Variants in LTBP1 observed in about 807,000 individuals in gnomAD.
LTBP1 encodes latent-transforming growth factor beta-binding protein 1.
LTBP1 carries 129 observed loss-of-function variants against 207.6 expected under a neutral mutation model. That is an observed-to-expected ratio of 0.62 (90% confidence interval 0.54 to 0.72). LTBP1 has a LOEUF of 0.72. Ranked by LOEUF, LTBP1 falls within the 30% of genes least tolerant of loss-of-function variation. LTBP1 has a pLI of 0.00. For synonymous variants in LTBP1, 963 were observed against 833.7 expected, an observed-to-expected ratio of 1.16 and a Z score of -2.67; for missense variants, 2,281 against 2,217.2, an observed-to-expected ratio of 1.03 and a Z score of -0.58.
At chr2:33,030,118 G>A (rs2075623334) in intron 3 of LTBP1, among the ~76,000 whole-genome samples, 1 of 152,178 alleles carries the variant, frequency 6.6e-6, no homozygotes. Context: ...CTGGTATTTG[G>A]AGGTTTGATG....
intron 3 of LTBP1, among the ~76,000 whole-genome samples, chr2:33,101,895 T>C (rs929489313): frequency 6.6e-6 from 1 of 152,210 alleles, no homozygotes; most frequent in Non-Finnish European, 1.5e-5. Flanking sequence ...ATGATTTCGG[T>C]GTACTGTGCT....
intron 10 of LTBP1, among the ~76,000 whole-genome samples, chr2:33,248,470 G>C (rs2092578308): frequency 1.3e-5 from 2 of 152,148 alleles, no homozygotes; most frequent in South Asian, 2.1e-4. Flanking sequence ...GCCAGGAGGA[G>C]TAAGTCATTT....
At chr2:33,236,046 T>A (rs2092033263) in intron 9 of LTBP1, among the ~76,000 whole-genome samples, 1 of 152,086 alleles carries the variant, frequency 6.6e-6, no homozygotes, top group African/African-American at 2.4e-5. Flanking sequence ...AGAACTTAAA[T>A]ATAATTTTTA....
At chr2:33,361,836 A>G (rs942342920) in intron 28 of LTBP1, among the ~76,000 whole-genome samples, 36 of 152,324 alleles carry the variant, frequency 2.4e-4, no homozygotes, top group Admixed American at 1.4e-3. Context: ...CCTAGTAGAT[A>G]CTTACTAAAT....
Position 33,110,664 on chromosome 2 carries a change from G to C in LTBP1, c.946G>C (p.Ala316Pro), listed in dbSNP as rs2080351296. ...CGTGCTCAAGCCCAAGTACTTTCCAGCCCAGAAGGGGATTTCAGGAGAGCA... is the reference window on the plus strand; with the variant it reads ...CGTGCTCAAGCCCAAGTACTTTCCACCCCAGAAGGGGATTTCAGGAGAGCA... Reference protein sequence around the residue: ...EYVLKPKYFPAQKGISGEQST... With the variant: ...EYVLKPKYFPPQKGISGEQST... The change falls in exon 4 of 34, where the codon GCC becomes CCC. Residue 316 changes from alanine (A) to proline (P), a missense_variant. This residue lies in a region of LTBP1 where 555 missense variants were observed against 491.0 expected (regional missense o/e 1.13). Transcript: ENST00000404816. 1 of 1,614,168 alleles carries C rather than the reference G, an allele frequency of 6.2e-7. No homozygotes were observed. Among genetic ancestry groups the C allele is most frequent in the Non-Finnish European group, 8.5e-7 (1 of 1,180,028 alleles).
At chr2:33,168,462 C>G (rs1338717825) in intron 5 of LTBP1, among the ~76,000 whole-genome samples, 1 of 150,198 alleles carries the variant, frequency 6.7e-6, no homozygotes, top group African/African-American at 2.4e-5. Context: ...AATAAGCAAT[C>G]TGGATTTTTA....
intron 26 of LTBP1, among the ~76,000 whole-genome samples, chr2:33,355,960 T>A (rs754215491): frequency 5.3e-5 from 8 of 152,034 alleles, no homozygotes; most frequent in Non-Finnish European, 1.2e-4. Context: ...AACTTCACTT[T>A]GACTGCTTTG....
chr2:32,972,409 A>G (rs116494520), intron 2 of LTBP1, among the ~76,000 whole-genome samples: 4,411 of 151,268 alleles, frequency 0.029, 96 homozygotes, highest in Non-Finnish European at 0.045. Context: ...TTTGAGATCT[A>G]TTTTTTTGAT....
At chr2:33,218,947 T>C (rs1040207570) in intron 8 of LTBP1, among the ~76,000 whole-genome samples, 1 of 152,236 alleles carries the variant, frequency 6.6e-6, no homozygotes, top group Admixed American at 6.5e-5. Context: ...TTTAAACCTC[T>C]ATATTCAATC....
rs148538311 is a variant in LTBP1 at position 33,262,506 on chromosome 2, T to C, written c.2419-216T>C. Among the ~76,000 whole-genome samples the C allele has an allele frequency of 2.5e-3, 376 of 151,638 alleles. 2 individuals carry two copies. The highest frequency in any genetic ancestry group is 8.7e-3 in the African/African-American group (359 of 41,320). On this transcript the variant is annotated intron_variant, in intron 13 of 33. Transcript: ENST00000404816. ...TGGATTAGCACCACTGGGAAAAATT[T>C]AGGGCTTTCCATAGTAGCACCACAT...
intron 19 of LTBP1, among the ~76,000 whole-genome samples, chr2:33,280,543 G>A (rs1029300059): frequency 6.6e-6 from 1 of 152,174 alleles, no homozygotes; most frequent in Admixed American, 6.5e-5. Flanking sequence ...TTCAACAGAA[G>A]TATCAAAGGT....
At chr2:33,068,427 G>A (rs1477338855) in intron 3 of LTBP1, among the ~76,000 whole-genome samples, 1 of 152,040 alleles carries the variant, frequency 6.6e-6, no homozygotes, top group Non-Finnish European at 1.5e-5. Context: ...TATAAATGAT[G>A]AACCTGCATT....
chr2:32,985,996 GT>G (rs1289133389), intron 2 of LTBP1, among the ~76,000 whole-genome samples: 1 of 151,976 alleles, frequency 6.6e-6, no homozygotes, highest in Non-Finnish European at 1.5e-5. Context: ...TTCTAAGGGT[GT>G]TTTTTTCCTA....
At chr2:33,087,307 A>G (rs1278404560) in intron 3 of LTBP1, among the ~76,000 whole-genome samples, 1 of 151,994 alleles carries the variant, frequency 6.6e-6, no homozygotes, top group Non-Finnish European at 1.5e-5. Flanking sequence ...GCCTCAAGGA[A>G]TTCTTCTGCC....
chr2:33,076,038 A>C (rs1448428096), intron 3 of LTBP1, among the ~76,000 whole-genome samples: 1 of 152,200 alleles, frequency 6.6e-6, no homozygotes, highest in African/African-American at 2.4e-5. Flanking sequence ...ATTATTGCCC[A>C]TGTGCAACAG....
chr2:32,968,500 T>C (rs1680330195), intron 2 of LTBP1, among the ~76,000 whole-genome samples: 2 of 152,234 alleles, frequency 1.3e-5, no homozygotes, highest in South Asian at 4.1e-4. Flanking sequence ...ACTTTTCATT[T>C]ATATCAATCT....
At chr2:33,024,010 C>CT (rs2075297815) in intron 3 of LTBP1, among the ~76,000 whole-genome samples, 2 of 152,314 alleles carry the variant, frequency 1.3e-5, no homozygotes, top group African/African-American at 4.8e-5. Flanking sequence ...ATAAATATGT[C>CT]TAACATGCCA....
At position 33,276,453 on chromosome 2, in the gene LTBP1, A is replaced by G. The variant is rs566776579; in HGVS notation, c.2992+530A>G. On this transcript the variant is annotated intron_variant, in intron 18 of 33. Coordinates refer to ENST00000404816, the MANE Select transcript of LTBP1 (RefSeq NM_206943.4). ...TGACCACAGCAATGAGCTTTCTCTC[A>G]TTATAAAAATGTTATAAAAAGTATT... 2.0e-5 allele frequency among the ~76,000 whole-genome samples: 3 copies of G among 152,362 alleles called. No homozygotes were observed. In the South Asian group the frequency reaches 6.2e-4, roughly 32 times the overall value.
intron 5 of LTBP1, among the ~76,000 whole-genome samples, chr2:33,152,471 A>G (rs2083621408): frequency 6.6e-6 from 1 of 152,218 alleles, no homozygotes; most frequent in African/African-American, 2.4e-5. Context: ...GCTGGTGGGA[A>G]TGCAAACTAG....
Sources: allele counts gnomAD v4.1 joint callset (sites outside exome capture counted in the v4.1 genomes callset), GRCh38; gene constraint gnomAD v4.1.1; regional missense constraint gnomAD v4.1.1; transcripts MANE v1.5; gene names NCBI Gene and HGNC (gene_info 2026-07-23, HGNC 2026-07-21).